The following PCDHA2 variants were observed in gnomAD, a reference collection of about 807,000 sequenced individuals.
The protein encoded by PCDHA2 is protocadherin alpha 2, also known as protocadherin alpha-2.
PCDHA2 carries 58 observed loss-of-function variants against 66.0 expected under a neutral mutation model. That is an observed-to-expected ratio of 0.88 (90% confidence interval 0.71 to 1.09). PCDHA2 has a LOEUF of 1.09. PCDHA2 is among the 50% of genes least tolerant of loss of function. PCDHA2 has a pLI of 0.00. For missense variants in PCDHA2, 1,267 were observed against 1,242.3 expected (o/e 1.02, Z -0.30); for synonymous variants, 634 against 554.0 (o/e 1.14, Z -2.03).
chr5:140,803,312 C>T (rs782276792), intron 1 of PCDHA2: 3 of 1,614,148 alleles, frequency 1.9e-6, no homozygotes, highest in Middle Eastern at 1.6e-4. Context: ...TCGCCATCTG[C>T]GCGGTGTCCA....
chr5:140,927,213 G>C (rs1384969721), intron 1 of PCDHA2: 11 of 1,614,000 alleles, frequency 6.8e-6, no homozygotes, highest in Non-Finnish European at 9.3e-6. Flanking sequence ...CGCTGGAGCT[G>C]CACAAGATTC....
intron 1 of PCDHA2, among the ~76,000 whole-genome samples, chr5:140,889,657 C>T (rs1411654885): frequency 2.0e-5 from 3 of 152,128 alleles, no homozygotes; most frequent in African/African-American, 7.2e-5. Context: ...GAGATGTCCT[C>T]TTCCCAGCCT....
At chr5:140,851,235 T>C (rs2041998909) in intron 1 of PCDHA2, 4 of 1,129,042 alleles carry the variant, frequency 3.5e-6, no homozygotes, top group Non-Finnish European at 4.5e-6. Flanking sequence ...CATTTATTTA[T>C]TGCTAAATGA....
intron 1 of PCDHA2, chr5:140,807,395 G>C (rs3822354): frequency 8.2e-7 from 1 of 1,218,782 alleles, no homozygotes; most frequent in Middle Eastern, 2.5e-4. Flanking sequence ...GGCGTCCAAG[G>C]GCCGCGGAGG....
At chr5:140,870,890 T>A in intron 1 of PCDHA2, 2 of 1,613,954 alleles carry the variant, frequency 1.2e-6, no homozygotes, top group East Asian at 4.5e-5. Flanking sequence ...GTGCGCGCAG[T>A]GGATGCGGAC....
At chr5:140,821,789 G>T (rs1199538378) in intron 1 of PCDHA2, 1 of 1,611,922 alleles carries the variant, frequency 6.2e-7, no homozygotes, top group Admixed American at 1.7e-5. Context: ...GTATATTCCC[G>T]GAGAGGAAGT....
At chr5:140,818,094 G>C (rs1213781361) in intron 1 of PCDHA2, among the ~76,000 whole-genome samples, 7 of 151,990 alleles carry the variant, frequency 4.6e-5, no homozygotes, top group Non-Finnish European at 1.0e-4. Flanking sequence ...TATATCTGTG[G>C]GTTGATAATA....
rs1554136884 is a variant in PCDHA2, at chr5:140,838,094, G to A, written c.2388+40742G>A. 2.8e-5 allele frequency among the ~76,000 whole-genome samples: 4 copies of A among 144,632 alleles called. 1 individual carries two copies. The highest frequency in any genetic ancestry group is 1.0e-4 in the African/African-American group (4 of 38,254). 94.9% of individuals were successfully genotyped at this position (144,632 alleles called of 152,430 possible). A position where few individuals can be genotyped will look rare whatever the true frequency, so the allele number is the denominator to read the frequency against. On this transcript the variant is annotated intron_variant, in intron 1 of 3. Transcript: ENST00000526136. ...ATATATATAGTGTGTGTGTGTGTGTGTGTGTGTGTGTGTGTGTGTGTGTGT... is the reference window on the plus strand; with the variant it reads ...ATATATATAGTGTGTGTGTGTGTGTATGTGTGTGTGTGTGTGTGTGTGTGT...
At chr5:140,995,936 T>C (rs1554254905) in intron 3 of PCDHA2, among the ~76,000 whole-genome samples, 1 of 152,220 alleles carries the variant, frequency 6.6e-6, no homozygotes, top group Non-Finnish European at 1.5e-5. Context: ...AAGTATTAAA[T>C]GACATAATGC....
At chr5:140,809,054 C>T (rs1554124966) in intron 1 of PCDHA2, 2 of 1,613,890 alleles carry the variant, frequency 1.2e-6, no homozygotes, top group Non-Finnish European at 8.5e-7. Flanking sequence ...CATCCCGTTC[C>T]GCGTGGGGCT....
At position 140,946,631 on chromosome 5, in the gene PCDHA2, T is replaced by C. The variant is rs75895301; in HGVS notation, c.2389-32318T>C. Among the ~76,000 whole-genome samples, 565 of 131,680 alleles carry C rather than the reference T, an allele frequency of 4.3e-3. 19 individuals are homozygous for C. Among genetic ancestry groups the C allele is most frequent in the Middle Eastern group, 0.019 (5 of 266 alleles). 86.4% of individuals were successfully genotyped at this position (131,680 alleles called of 152,430 possible). A position where few individuals can be genotyped will look rare whatever the true frequency, so the allele number is the denominator to read the frequency against. On this transcript the variant is annotated intron_variant, in intron 1 of 3. Coordinates refer to ENST00000526136, the MANE Select transcript of PCDHA2 (RefSeq NM_018905.3). ...TGTGAAATATATATATATATATATA[T>C]ACAATGGAATACTCATCAGCCATTA... is the stretch of plus-strand genomic sequence containing the variant.
intron 1 of PCDHA2, among the ~76,000 whole-genome samples, chr5:140,806,163 G>T (rs980767423): frequency 1.3e-5 from 2 of 152,156 alleles, no homozygotes; most frequent in African/African-American, 2.4e-5. Context: ...ATAAAATGGG[G>T]TAAATTGGCT....
At chr5:140,871,709 C>A in intron 1 of PCDHA2, 6 of 829,698 alleles carry the variant, frequency 7.2e-6, no homozygotes, top group Non-Finnish European at 1.1e-5. Flanking sequence ...CAATAAATGT[C>A]CTATTTCTCT....
rs781982422 is a variant in PCDHA2 at position 140,871,325 on chromosome 5, C to T, written c.2388+73973C>T. 4 of 1,613,988 alleles carry T rather than the reference C, an allele frequency of 2.5e-6. No individual in the cohort carries two copies. Among genetic ancestry groups the T allele is most frequent in the Non-Finnish European group, 3.4e-6 (4 of 1,180,038 alleles). On this transcript the variant is annotated intron_variant, in intron 1 of 3. Coordinates refer to ENST00000526136, the MANE Select transcript of PCDHA2 (RefSeq NM_018905.3). ...CCGGGGAAGCCCACGCTGGTGTGCTCCCGCGCGGTGGGGAGCTGGTCATAC... is the reference window on the plus strand; with the variant it reads ...CCGGGGAAGCCCACGCTGGTGTGCTTCCGCGCGGTGGGGAGCTGGTCATAC...
At chr5:140,944,046 G>A (rs782798105) in intron 1 of PCDHA2, among the ~76,000 whole-genome samples, 3 of 152,158 alleles carry the variant, frequency 2.0e-5, no homozygotes, top group Non-Finnish European at 4.4e-5. Context: ...AACCAGATTG[G>A]GATACAAAAA....
At chr5:140,851,653 A>G (rs1438249700) in intron 1 of PCDHA2, 1 of 911,018 alleles carries the variant, frequency 1.1e-6, no homozygotes, top group Non-Finnish European at 1.3e-6. Flanking sequence ...TCAAGAAGAC[A>G]TTCTCCTTTT....
At chr5:140,816,221 T>C (rs1765867541) in intron 1 of PCDHA2, 1 of 152,206 alleles carries the variant, frequency 6.6e-6, no homozygotes, top group Non-Finnish European at 1.5e-5. Flanking sequence ...TGCTACTCTG[T>C]CTGGATAATT....
chr5:140,809,337 T>C (rs576165362), intron 1 of PCDHA2: 4 of 1,614,072 alleles, frequency 2.5e-6, no homozygotes, highest in Non-Finnish European at 3.4e-6. Flanking sequence ...ACGCTGCTGC[T>C]GTACACCGCG....
chr5:140,955,571 G>A (rs1371078633), intron 1 of PCDHA2, among the ~76,000 whole-genome samples: 2 of 152,158 alleles, frequency 1.3e-5, no homozygotes, highest in Non-Finnish European at 2.9e-5. Flanking sequence ...ACTGAACTGT[G>A]AGTCAATTAA....
Sources: gnomAD v4.1 joint callset for allele counts (sites outside exome capture counted in the v4.1 genomes callset) on GRCh38, gnomAD v4.1.1 for gene constraint, MANE v1.5 for transcripts, NCBI Gene and HGNC (gene_info 2026-07-23, HGNC 2026-07-21) for gene names.